Variants in NFX1 observed in about 807,000 individuals in gnomAD.
NFX1 encodes transcriptional repressor NF-X1.
NFX1 carries 69 observed loss-of-function variants against 137.2 expected under a neutral mutation model. The observed-to-expected ratio is 0.50, with a 90% CI of 0.41 to 0.61. NFX1 has a LOEUF of 0.61. Ranked by LOEUF, NFX1 falls within the 20% of genes least tolerant of loss-of-function variation. The probability of loss-of-function intolerance (pLI) is 0.00; values close to 1 mark genes in which losing one functional copy is unlikely to be tolerated. For synonymous variants in NFX1, 495 were observed against 474.1 expected, an observed-to-expected ratio of 1.04 and a Z score of -0.57; for missense variants, 1,167 against 1,391.0, an observed-to-expected ratio of 0.84 and a Z score of 2.56.
At position 33,321,078 on chromosome 9, in the gene NFX1, G is replaced by A. The variant is rs117499155; in HGVS notation, c.1906+1951G>A. 6.4e-4 allele frequency among the ~76,000 whole-genome samples: 97 copies of A among 152,142 alleles called. No homozygotes were observed. The East Asian group carries it at 0.014, about 22-fold the overall frequency. The stretch of plus-strand genomic sequence containing the variant: ...TGACTAGTAAATCAAATCCCCTTTC[G>A]GAAAGCACATGAGTCAGTTTTATAA... On this transcript the variant is annotated intron_variant, in intron 9 of 23. Coordinates refer to ENST00000379540, the MANE Select transcript of NFX1 (RefSeq NM_002504.6).
At chr9:33,350,120 A>G (rs1217577853) in intron 15 of NFX1, among the ~76,000 whole-genome samples, 2 of 152,064 alleles carry the variant, frequency 1.3e-5, no homozygotes, top group African/African-American at 4.8e-5. Context: ...CCTGGCCAAC[A>G]TAGTGAAACC....
chr9:33,332,119 G>A (rs1165673687), intron 10 of NFX1, among the ~76,000 whole-genome samples: 1 of 152,132 alleles, frequency 6.6e-6, no homozygotes, highest in African/African-American at 2.4e-5. Context: ...GGCTTTTTCT[G>A]TCTGTACCCT....
chr9:33,335,465 T>A (rs985766119), intron 11 of NFX1, among the ~76,000 whole-genome samples: 2 of 152,132 alleles, frequency 1.3e-5, no homozygotes, highest in Non-Finnish European at 2.9e-5. Flanking sequence ...ACTCCTGGCC[T>A]CATGTAATCC....
intron 23 of NFX1, among the ~76,000 whole-genome samples, 155 bp downstream of exon 23, chr9:33,367,774 A>G (rs1429082175): frequency 6.6e-6 from 1 of 152,230 alleles, no homozygotes; most frequent in African/African-American, 2.4e-5. Flanking sequence ...AGGGTATCAG[A>G]CACGTTTGTT....
intron 5 of NFX1, among the ~76,000 whole-genome samples, chr9:33,310,370 T>A (rs1821919429): frequency 6.6e-6 from 1 of 152,246 alleles, no homozygotes; most frequent in African/African-American, 2.4e-5. Flanking sequence ...GTGGTATTTC[T>A]GTACCACTGT....
chr9:33,366,625 A>G lies in NFX1; in HGVS notation c.3040-4A>G, dbSNP rs1824176646. The stretch of plus-strand genomic sequence containing the variant: ...TCAATCAGTCATCTTTTCCCTCAAT[A>G]CAGGGAAAGAATAGTAAGAAAAGCC... On this transcript the variant is annotated splice_region_variant and splice_polypyrimidine_tract_variant and intron_variant, in intron 21 of 23. Coordinates refer to ENST00000379540, the MANE Select transcript of NFX1 (RefSeq NM_002504.6). The G allele has an allele frequency of 8.7e-6, 14 of 1,613,744 alleles. No individual in the cohort carries two copies. The highest frequency in any genetic ancestry group is 2.2e-5 in the East Asian group (1 of 44,894).
chr9:33,357,458 T>A (rs1205433427), intron 19 of NFX1, among the ~76,000 whole-genome samples: 2 of 152,144 alleles, frequency 1.3e-5, no homozygotes, highest in Non-Finnish European at 2.9e-5. Context: ...TCCTCAACCA[T>A]GACTTTTCTT....
In NFX1 at chr9:33,344,061, T is replaced by C; in HGVS notation, c.2225-8T>C. On this transcript the variant is annotated splice_region_variant and splice_polypyrimidine_tract_variant and intron_variant, in intron 13 of 23. Coordinates refer to ENST00000379540, the MANE Select transcript of NFX1 (RefSeq NM_002504.6). ...AGGATTCTTTTGTTTTACCTGCTGC[T>C]CCACCAGGTTTTGATGAATTAACCT... 1.2e-6 allele frequency: 2 copies of C among 1,613,874 alleles called. No individual in the cohort carries two copies. Among genetic ancestry groups the C allele is most frequent in the Non-Finnish European group, 1.7e-6 (2 of 1,179,836 alleles).
At chr9:33,343,991 G>T (rs1378675489) in intron 13 of NFX1, 78 bp from the exon 14 acceptor site, 1 of 1,576,350 alleles carries the variant, frequency 6.3e-7, no homozygotes, top group Non-Finnish European at 8.7e-7. Context: ...AAAAATGTGT[G>T]TGTTTGTGTG....
rs755080345 is a variant in NFX1, at chr9:33,319,146, G to A, written c.1906+19G>A. 3 of 1,609,830 alleles carry A rather than the reference G, an allele frequency of 1.9e-6. No individual in the cohort carries two copies. Among genetic ancestry groups the A allele is most frequent in the South Asian group, 2.2e-5 (2 of 90,796 alleles). On this transcript the variant is annotated intron_variant, in intron 9 of 23. Coordinates refer to ENST00000379540, the MANE Select transcript of NFX1 (RefSeq NM_002504.6). ...TCCTTAGGTAACTAGTAAGCGTAAA[G>A]TTGGCTTTAAAAATATTATTGTAAA...
intron 2 of NFX1, among the ~76,000 whole-genome samples, chr9:33,296,280 T>G (rs1215387703): frequency 6.6e-6 from 1 of 152,220 alleles, no homozygotes; most frequent in Non-Finnish European, 1.5e-5. Flanking sequence ...TGCTTCTGCC[T>G]TACTCAACAG....
chr9:33,308,657 TA>T (rs1821848487), intron 5 of NFX1, among the ~76,000 whole-genome samples: 1 of 152,218 alleles, frequency 6.6e-6, no homozygotes, highest in Non-Finnish European at 1.5e-5. Context: ...TGTAAAATAA[TA>T]ATGATAGTAA....
chr9:33,333,326 C>T (rs755029734), intron 11 of NFX1, among the ~76,000 whole-genome samples: 7 of 152,148 alleles, frequency 4.6e-5, no homozygotes, highest in Admixed American at 6.5e-5. Flanking sequence ...GTGACTTTTA[C>T]GATAAGGGTG....
At position 33,370,083 on chromosome 9, in the gene NFX1, C is replaced by A; in HGVS notation, c.*105C>A. The stretch of plus-strand genomic sequence containing the variant: ...CCCCTCTGCCTGGCAGAATCACAGT[C>A]TCACATACTGTCTTGTACTGACACA... On this transcript the variant is annotated 3_prime_UTR_variant, in exon 24 of 24. Transcript: ENST00000379540. 1.2e-6 allele frequency: 1 copy of A among 818,864 alleles called. No individual in the cohort carries two copies. Among genetic ancestry groups the A allele is most frequent in the Non-Finnish European group, 2.0e-6 (1 of 492,022 alleles). The allele number at this position is 818,864 out of a possible 1,614,324, so 50.7% of individuals were successfully genotyped here.
intron 3 of NFX1, among the ~76,000 whole-genome samples, chr9:33,302,528 ATT>A (rs879769268): frequency 1.4e-5 from 2 of 143,028 alleles, no homozygotes; most frequent in Non-Finnish European, 1.5e-5. Context: ...CATCCAGCTA[ATT>A]TTTTTTTTTT....
In NFX1 at chr9:33,311,142, C is replaced by T; in HGVS notation, c.1413C>T (p.Ala471=). ...CHPGPCPPCP[A]FMTKTCECGR... is the part of the protein sequence containing the mutation. ...CAGGACCCTGCCCACCCTGCCCTGC[C>T]TTTATGACAAAAACATGTGAATGTG... The change falls in exon 6 of 24, where the codon GCC becomes GCT. Residue 471 remains alanine (A), a synonymous_variant. Coordinates refer to ENST00000379540, the MANE Select transcript of NFX1 (RefSeq NM_002504.6). 1 of 1,614,150 alleles carries T rather than the reference C, an allele frequency of 6.2e-7. No homozygotes were observed. Among genetic ancestry groups the T allele is most frequent in the Non-Finnish European group, 8.5e-7 (1 of 1,180,016 alleles).
At chr9:33,338,735 C>A in intron 12 of NFX1, 146 bp downstream of exon 12, 1 of 662,766 alleles carries the variant, frequency 1.5e-6, no homozygotes, top group Non-Finnish European at 2.5e-6. Flanking sequence ...TCATAGTCCC[C>A]ATAACCTCTC....
intron 12 of NFX1, 35 bp from the exon 13 acceptor site, chr9:33,342,711 C>A: frequency 1.4e-6 from 2 of 1,387,760 alleles, no homozygotes; most frequent in Non-Finnish European, 2.0e-6. Flanking sequence ...AAAATGAAGA[C>A]CATTTTATGA....
intron 3 of NFX1, among the ~76,000 whole-genome samples, chr9:33,302,357 A>ATTTTTTT (rs33976056): frequency 1.4e-5 from 1 of 70,980 alleles, no homozygotes; most frequent in African/African-American, 5.4e-5. Context: ...ATCTAACTGT[A>ATTTTTTT]TTTTTTTTTT....
Sources: allele counts gnomAD v4.1 joint callset (sites outside exome capture counted in the v4.1 genomes callset), GRCh38; gene constraint gnomAD v4.1.1; transcripts MANE v1.5; gene names NCBI Gene and HGNC (gene_info 2026-07-23, HGNC 2026-07-21).